The following KIRREL3 variants were observed in gnomAD, a reference collection of about 807,000 sequenced individuals.
The protein encoded by KIRREL3 is kin of IRRE-like protein 3.
KIRREL3 carries 36 observed loss-of-function variants against 89.7 expected under a neutral mutation model. That is an observed-to-expected ratio of 0.40 (90% CI 0.31 to 0.53). The LOEUF (loss-of-function observed/expected upper bound fraction) is 0.53, where lower values mean the gene tolerates loss of function less well. Among genes scored for constraint, KIRREL3 ranks in the 20% least tolerant of loss-of-function variants. The pLI is 0.49. For synonymous variants in KIRREL3, 445 were observed against 441.4 expected, an observed-to-expected ratio of 1.01 and a Z score of -0.10; for missense variants, 864 against 1,056.6, an observed-to-expected ratio of 0.82 and a Z score of 2.53.
chr11:126,478,655 G>GTATATGTA (rs927503215), intron 4 of KIRREL3, among the ~76,000 whole-genome samples: 1 of 129,052 alleles, frequency 7.7e-6, no homozygotes, highest in African/African-American at 5.0e-5. Context: ...GTATGTATGT[G>GTATATGTA]TATATGTATA....
chr11:126,936,484 A>G (rs546784047), intron 1 of KIRREL3: 1 of 152,228 alleles, frequency 6.6e-6, no homozygotes, highest in South Asian at 2.1e-4. Context: ...GTGGAAAAAA[A>G]TCTAAATGTC....
Position 126,574,756 on chromosome 11 carries a change from A to G in KIRREL3, c.56-11844T>C, listed in dbSNP as rs639294. ...TCCTTAGACTTAAATCTCCCTTGAA[A>G]AGAAAATGCTGCTTATGAACCACTT... On this transcript the variant is annotated intron_variant, in intron 1 of 16. Coordinates refer to ENST00000525144, the MANE Select transcript of KIRREL3 (RefSeq NM_032531.4). The surrounding 1 kb of genome is among the most constrained non-coding windows in gnomAD (Gnocchi z 5.3). Among the ~76,000 whole-genome samples the G allele has an allele frequency of 0.37, 56,918 of 152,034 alleles. 11,662 individuals are homozygous for G. Among genetic ancestry groups the G allele is most frequent in the South Asian group, 0.55 (2,654 of 4,812 alleles).
chr11:126,923,561 A>C (rs1333796039), intron 1 of KIRREL3, among the ~76,000 whole-genome samples: 1 of 150,070 alleles, frequency 6.7e-6, no homozygotes, highest in Non-Finnish European at 1.5e-5. Context: ...CTCCTGCCTC[A>C]GCCTCCCTAG....
intron 1 of KIRREL3, among the ~76,000 whole-genome samples, chr11:126,851,045 G>T (rs1944323467): frequency 6.6e-6 from 1 of 152,232 alleles, no homozygotes; most frequent in South Asian, 2.1e-4. Flanking sequence ...GTCTCACTAG[G>T]CACTCTCTGA....
At chr11:126,604,427 G>T (rs1565586059) in intron 1 of KIRREL3, among the ~76,000 whole-genome samples, 1 of 152,198 alleles carries the variant, frequency 6.6e-6, no homozygotes, top group Non-Finnish European at 1.5e-5. Flanking sequence ...TGTACCATGT[G>T]CCAGGCTTGT....
intron 4 of KIRREL3, among the ~76,000 whole-genome samples, chr11:126,493,654 C>CAA (rs5795499): frequency 0.75 from 61,288 of 82,090 alleles, 23,043 homozygotes; most frequent in East Asian, 0.86. Context: ...GACTCTGTCT[C>CAA]AAAAAAAAAA....
At chr11:126,854,422 T>C (rs1944443715) in intron 1 of KIRREL3, among the ~76,000 whole-genome samples, 1 of 152,138 alleles carries the variant, frequency 6.6e-6, no homozygotes, top group Non-Finnish European at 1.5e-5. Context: ...ACCTTCTACT[T>C]TGTCTCTATG....
rs1944731109 is a variant in KIRREL3 at position 126,647,404 on chromosome 11, A to G, written c.56-84492T>C. Among the ~76,000 whole-genome samples the G allele has an allele frequency of 6.6e-6, 1 of 152,172 alleles. No homozygotes were observed. The highest frequency in any genetic ancestry group is 2.1e-4 in the South Asian group (1 of 4,822). ...CCCAGGAGGGAGACTGAGATATATG[A>G]GGTATACCCCTTTCCCTCTAATCAA... On this transcript the variant is annotated intron_variant, in intron 1 of 16. Transcript: ENST00000525144. The surrounding 1 kb of genome is among the most constrained non-coding windows in gnomAD (Gnocchi z 4.9).
Position 126,940,960 on chromosome 11 carries a change from G to C in KIRREL3, c.55+59495C>G, listed in dbSNP as rs575723608. 1 of 152,044 alleles carries C rather than the reference G, an allele frequency of 6.6e-6. No homozygotes were observed. The highest frequency in any genetic ancestry group is 2.4e-5 in the African/African-American group (1 of 41,468). The allele number at this position is 152,044 out of a possible 1,614,324, so 9.4% of individuals were successfully genotyped here. On this transcript the variant is annotated intron_variant, in intron 1 of 16. Transcript: ENST00000525144. This position sits in a 1 kb window ranked among gnomAD's most constrained non-coding sequence, Gnocchi z 4.6. Reference sequence around the variant, plus strand: ...TTATGTCTGGGTTACTGTAGATTTGGGTTTTGCTATTACTAGTTGTCTCAC... The same window carrying C: ...TTATGTCTGGGTTACTGTAGATTTGCGTTTTGCTATTACTAGTTGTCTCAC...
chr11:126,800,837 C>A (rs529746158), intron 1 of KIRREL3, among the ~76,000 whole-genome samples: 1 of 152,114 alleles, frequency 6.6e-6, no homozygotes, highest in Non-Finnish European at 1.5e-5. Context: ...CACTTTTCAG[C>A]GGATTTAGCT....
chr11:126,792,171 GT>G (rs1446703560), intron 1 of KIRREL3, among the ~76,000 whole-genome samples: 2 of 152,140 alleles, frequency 1.3e-5, no homozygotes, highest in East Asian at 3.9e-4. Flanking sequence ...TCCCTGTTCT[GT>G]CACTCATTAG....
rs1184480094 is a variant in KIRREL3, at chr11:126,705,635, G to A, written c.56-142723C>T. On this transcript the variant is annotated intron_variant, in intron 1 of 16. Transcript: ENST00000525144. The surrounding 1 kb of genome is among the most constrained non-coding windows in gnomAD (Gnocchi z 4.3). ...ACCTCAGATATTTCTTTATAGTAAT[G>A]TAAGAATGGTCTAACACTACGTATG... Among the ~76,000 whole-genome samples the A allele has an allele frequency of 6.6e-6, 1 of 152,002 alleles. No individual in the cohort carries two copies. Among genetic ancestry groups the A allele is most frequent in the Non-Finnish European group, 1.5e-5 (1 of 68,038 alleles).
intron 1 of KIRREL3, among the ~76,000 whole-genome samples, chr11:126,648,418 C>T (rs1202441531): frequency 1.3e-5 from 2 of 152,172 alleles, no homozygotes; most frequent in African/African-American, 4.8e-5. Context: ...CGGTCCCTCC[C>T]CTGCTTCAAG....
In KIRREL3 at chr11:126,933,444, T is replaced by G. The variant is rs529243326; in HGVS notation, c.55+67011A>C. 5.3e-5 allele frequency among the ~76,000 whole-genome samples: 8 copies of G among 151,436 alleles called. No individual in the cohort carries two copies. In the South Asian group the frequency reaches 1.7e-3, roughly 32 times the overall value. On this transcript the variant is annotated intron_variant, in intron 1 of 16. Coordinates refer to ENST00000525144, the MANE Select transcript of KIRREL3 (RefSeq NM_032531.4). ...TTAGGGGAACCTCCTTTATACTCTT[T>G]GCATGTTTTAAAGAATTTCAAATTC...
At position 126,906,794 on chromosome 11, in the gene KIRREL3, T is replaced by C. The variant is rs1228465239; in HGVS notation, c.55+93661A>G. Among the ~76,000 whole-genome samples, 2 of 152,340 alleles carry C rather than the reference T, an allele frequency of 1.3e-5. No homozygotes were observed. Among genetic ancestry groups the C allele is most frequent in the East Asian group, 3.9e-4 (2 of 5,188 alleles). On this transcript the variant is annotated intron_variant, in intron 1 of 16. Coordinates refer to ENST00000525144, the MANE Select transcript of KIRREL3 (RefSeq NM_032531.4). The surrounding 1 kb of genome is among the most constrained non-coding windows in gnomAD (Gnocchi z 4.1). ...ACAGTGCAAGGCTGCCTGTGGCTTC[T>C]TCCTGGGACGTCTGCTCTGCCTCCT...
At position 126,559,626 on chromosome 11, in the gene KIRREL3, A is replaced by T. The variant is rs1939962461; in HGVS notation, c.133+3209T>A. On this transcript the variant is annotated intron_variant, in intron 2 of 16. Transcript: ENST00000525144. Reference sequence around the variant, plus strand: ...TTGTGGAGGTGACACATACACTGAGATGTATTTTTACTGTGAGCTCCTTGA... The same window carrying T: ...TTGTGGAGGTGACACATACACTGAGTTGTATTTTTACTGTGAGCTCCTTGA... Among the ~76,000 whole-genome samples, 3 of 151,630 alleles carry T rather than the reference A, an allele frequency of 2.0e-5. No homozygotes were observed. In the South Asian group the frequency reaches 6.3e-4, roughly 32 times the overall value.
intron 1 of KIRREL3, among the ~76,000 whole-genome samples, chr11:126,789,057 G>A (rs1399349753): frequency 1.3e-5 from 2 of 152,078 alleles, no homozygotes; most frequent in Non-Finnish European, 2.9e-5. Flanking sequence ...CACTGCATGC[G>A]ATGATGCTGT....
chr11:126,870,009 T>G lies in KIRREL3; in HGVS notation c.55+130446A>C, dbSNP rs767886015. Among the ~76,000 whole-genome samples the G allele has an allele frequency of 6.6e-6, 1 of 152,214 alleles. No individual in the cohort carries two copies. Among genetic ancestry groups the G allele is most frequent in the Non-Finnish European group, 1.5e-5 (1 of 68,030 alleles). On this transcript the variant is annotated intron_variant, in intron 1 of 16. Transcript: ENST00000525144. This position sits in a 1 kb window ranked among gnomAD's most constrained non-coding sequence, Gnocchi z 4.4. The stretch of plus-strand genomic sequence containing the variant: ...TTTCAAATGGTCTCACAAATGTCCT[T>G]TCCACAATTCATTTCAAATGCCCCT...
intron 11 of KIRREL3, among the ~76,000 whole-genome samples, chr11:126,438,845 G>A (rs2134171305): frequency 6.6e-6 from 1 of 152,292 alleles, no homozygotes. Flanking sequence ...TTCAGTTGGT[G>A]CAGCCTGGGT....
Sources: gnomAD v4.1 joint callset for allele counts (sites outside exome capture counted in the v4.1 genomes callset) on GRCh38, gnomAD v4.1.1 for gene constraint, Gnocchi (gnomAD v3.1) non-coding constraint, MANE v1.5 for transcripts, NCBI Gene and HGNC (gene_info 2026-07-23, HGNC 2026-07-21) for gene names.